The following ANK3 variants were observed in gnomAD, a reference collection of about 807,000 sequenced individuals.
The protein encoded by ANK3 is ankyrin 3, also known as ankyrin-3.
In ANK3, 57 loss-of-function variants were observed where a neutral mutation model predicts 370.9. The observed-to-expected ratio is 0.15, with a 90% CI of 0.12 to 0.19. The LOEUF (loss-of-function observed/expected upper bound fraction) is 0.19. Among genes scored for constraint, ANK3 ranks in the 10% least tolerant of loss-of-function variants. The probability of loss-of-function intolerance (pLI) is 1.00; values close to 1 mark genes in which losing one functional copy is unlikely to be tolerated. For synonymous variants in ANK3, 1,929 were observed against 1,946.3 expected (o/e 0.99, Z 0.23); for missense variants, 4,439 against 5,302.1 (o/e 0.84, Z 5.06).
rs564913220 is a variant in ANK3, at chr10:60,483,658, G to A, written c.96+131528C>T. On this transcript the variant is annotated intron_variant, in intron 2 of 43. Coordinates refer to the ANK3 transcript ENST00000373827. ...TTTAAAATGACACAGAGCATATTTT[G>A]TTAGGCTTTCGCTTTTAATGACAAT... Among the ~76,000 whole-genome samples the A allele has an allele frequency of 2.6e-5, 4 of 152,116 alleles. No homozygotes were observed. In the South Asian group the frequency reaches 8.3e-4, roughly 32 times the overall value.
chr10:60,075,352 A>T lies in ANK3; in HGVS notation c.5529T>A (p.Asn1843Lys), dbSNP rs1017860964. 1 of 1,614,050 alleles carries T rather than the reference A, an allele frequency of 6.2e-7. No individual in the cohort carries two copies. The highest frequency in any genetic ancestry group is 1.3e-5 in the African/African-American group (1 of 74,940). ...EPALKKLPDS[N>K]SFTKSAAALL... ...AGGCTGCTGCTGATTTTGTAAATGA[A>T]TTAGAGTCTGGAAGTTTCTTTAATG... Residue 1843 changes from asparagine (N) to lysine (K), a missense_variant, in exon 37 of 44, where the codon AAT becomes AAA. This residue lies in a region of ANK3 where 679 missense variants were observed against 791.0 expected (regional missense o/e 0.86). Transcript: ENST00000280772.
intron 1 of ANK3, chr10:60,733,244 G>A (rs960410095): frequency 2.3e-5 from 29 of 1,240,756 alleles, no homozygotes; most frequent in Non-Finnish European, 9.1e-6. Flanking sequence ...CGCAGGTAGG[G>A]GGGCGGCGCG....
At chr10:60,428,682 G>T (rs1595012451) in intron 2 of ANK3, among the ~76,000 whole-genome samples, 1 of 152,100 alleles carries the variant, frequency 6.6e-6, no homozygotes, top group Non-Finnish European at 1.5e-5. Context: ...AATATGTTGG[G>T]TTTCCCTGAA....
intron 2 of ANK3, among the ~76,000 whole-genome samples, chr10:60,541,894 T>C (rs2076856860): frequency 6.6e-6 from 1 of 151,962 alleles, no homozygotes; most frequent in African/African-American, 2.4e-5. Context: ...TTATTTGTGA[T>C]GATCCTTTTA....
chr10:60,301,739 CT>C (rs2043870985), intron 1 of ANK3, among the ~76,000 whole-genome samples: 1 of 152,044 alleles, frequency 6.6e-6, no homozygotes, highest in Admixed American at 6.6e-5. Flanking sequence ...TTTTACTTAG[CT>C]TTTTTCAACT....
At chr10:60,411,364 T>G (rs528071404) in intron 2 of ANK3, among the ~76,000 whole-genome samples, 1 of 152,332 alleles carries the variant, frequency 6.6e-6, no homozygotes, top group African/African-American at 2.4e-5. Flanking sequence ...GCTAAACTTC[T>G]TTAAGCCAGA....
intron 1 of ANK3, among the ~76,000 whole-genome samples, chr10:60,653,390 A>G (rs1305184344): frequency 6.6e-6 from 1 of 151,964 alleles, no homozygotes; most frequent in African/African-American, 2.4e-5. Context: ...CCGTTGTTCC[A>G]GTAGTATTTT....
At chr10:60,277,732 T>A (rs1183910597) in intron 4 of ANK3, among the ~76,000 whole-genome samples, 1 of 152,202 alleles carries the variant, frequency 6.6e-6, no homozygotes, top group Non-Finnish European at 1.5e-5. Context: ...TTCTCCAATA[T>A]CACTTTCCTT....
At chr10:60,201,868 C>G (rs182948350) in intron 12 of ANK3, among the ~76,000 whole-genome samples, 1 of 151,898 alleles carries the variant, frequency 6.6e-6, no homozygotes, top group Non-Finnish European at 1.5e-5. Context: ...TGCACCACCA[C>G]GCCCAGCTAA....
intron 1 of ANK3, chr10:60,300,251 A>G: frequency 1.0e-6 from 1 of 976,760 alleles, no homozygotes; most frequent in Non-Finnish European, 1.4e-6. Flanking sequence ...TAAAAGGCAC[A>G]ACTATTCAGG....
Position 60,172,972 on chromosome 10 carries a change from T to C in ANK3, c.2310A>G (p.Ala770=). 1 of 1,613,954 alleles carries C rather than the reference T, an allele frequency of 6.2e-7. No individual in the cohort carries two copies. The part of the protein sequence containing the change: ...TKNGYTPLHQ[A]AQQGHTHIIN... The stretch of plus-strand genomic sequence containing the variant: ...TTATATGCGTATGCCCCTGCTGTGC[T>C]GCTTGATGTAATGGCGTATACCCAT... The change falls in exon 20 of 44, where the codon GCA becomes GCG. Residue 770 remains alanine, a synonymous_variant. Transcript: ENST00000280772.
intron 25 of ANK3, among the ~76,000 whole-genome samples, chr10:60,125,200 T>G (rs1022858306): frequency 1.3e-5 from 2 of 152,234 alleles, no homozygotes; most frequent in African/African-American, 4.8e-5. Context: ...CAACTATTAT[T>G]ACTCTTAAGA....
chr10:60,196,627 T>TTAA lies in ANK3; in HGVS notation c.1690-3_1690-2insTTA, dbSNP rs1591584907. 1.3e-6 allele frequency: 2 copies of TTAA among 1,501,342 alleles called. No individual in the cohort carries two copies. The highest frequency in any genetic ancestry group is 1.2e-5 in the South Asian group (1 of 82,768). 93.0% of individuals were successfully genotyped at this position (1,501,342 alleles called of 1,614,324 possible). A position where few individuals can be genotyped will look rare whatever the true frequency, so the allele number is the denominator to read the frequency against. On this transcript the variant is annotated splice_polypyrimidine_tract_variant and splice_region_variant and intron_variant, in intron 14 of 43. Coordinates refer to ENST00000280772, the MANE Select transcript of ANK3 (RefSeq NM_020987.5). ...CACATGAAGAGGAGTAAATCCTTTCTGAAAAAAAAAAAACATAAAAATAAT... is the reference window on the plus strand; with the variant it reads ...CACATGAAGAGGAGTAAATCCTTTCTTAAGAAAAAAAAAAAACATAAAAATAAT...
At chr10:60,273,453 A>G (rs1253864523) in intron 4 of ANK3, among the ~76,000 whole-genome samples, 1 of 151,674 alleles carries the variant, frequency 6.6e-6, no homozygotes, top group African/African-American at 2.4e-5. Context: ...ATTCTAGAAT[A>G]TTTTCATCAC....
chr10:60,366,341 C>A (rs1456506017), intron 1 of ANK3, among the ~76,000 whole-genome samples: 2 of 151,508 alleles, frequency 1.3e-5, no homozygotes, highest in Non-Finnish European at 2.9e-5. Flanking sequence ...TCGAAAAAAA[C>A]AAAAAAATTA....
At chr10:60,414,654 A>C (rs1048335300) in intron 2 of ANK3, among the ~76,000 whole-genome samples, 1 of 152,178 alleles carries the variant, frequency 6.6e-6, no homozygotes, top group African/African-American at 2.4e-5. Context: ...CGTGCCATGG[A>C]CTACCAGAGA....
chr10:60,528,134 C>CTTTTTTTTT (rs35837089), intron 2 of ANK3, among the ~76,000 whole-genome samples: 13 of 124,262 alleles, frequency 1.0e-4, no homozygotes, highest in Non-Finnish European at 2.1e-4. Flanking sequence ...TTTTCTTCTT[C>CTTTTTTTTT]TTCTTTTTTT....
intron 8 of ANK3, among the ~76,000 whole-genome samples, chr10:60,218,754 T>C (rs1223715626): frequency 6.6e-6 from 1 of 152,132 alleles, no homozygotes; most frequent in Non-Finnish European, 1.5e-5. Flanking sequence ...CTGATTATTA[T>C]GTGTCTCGGG....
intron 7 of ANK3, among the ~76,000 whole-genome samples, chr10:60,240,205 T>TAC (rs2097423986): frequency 1.4e-5 from 2 of 139,602 alleles, no homozygotes; most frequent in Admixed American, 7.2e-5. Context: ...CACACACACA[T>TAC]ATATATACAC....
Sources: allele counts gnomAD v4.1 joint callset (sites outside exome capture counted in the v4.1 genomes callset), GRCh38; gene constraint gnomAD v4.1.1; regional missense constraint gnomAD v4.1.1; transcripts MANE v1.5; gene names NCBI Gene and HGNC (gene_info 2026-07-23, HGNC 2026-07-21).